The following SLX4IP variants were observed in gnomAD, a reference collection of about 807,000 sequenced individuals.
SLX4IP encodes SLX4 interacting protein.
SLX4IP carries 34 observed loss-of-function variants against 32.9 expected under a neutral mutation model. The observed-to-expected ratio is 1.03, with a 90% CI of 0.79 to 1.38. The LOEUF is 1.38. Among genes scored for constraint, SLX4IP ranks in the 40% most tolerant of loss-of-function variants. The probability of loss-of-function intolerance (pLI) is 0.00; values close to 1 mark genes in which losing one functional copy is unlikely to be tolerated. For synonymous variants in SLX4IP, 172 were observed against 171.7 expected, an observed-to-expected ratio of 1.00 and a Z score of -0.01; for missense variants, 444 against 479.0, an observed-to-expected ratio of 0.93 and a Z score of 0.68.
At chr20:10,594,162 G>A (rs896477582) in intron 4 of SLX4IP, among the ~76,000 whole-genome samples, 2 of 152,180 alleles carry the variant, frequency 1.3e-5, no homozygotes, top group Non-Finnish European at 2.9e-5. Flanking sequence ...GTGGGTTTTG[G>A]GATGTTCATG....
intron 2 of SLX4IP, among the ~76,000 whole-genome samples, chr20:10,462,458 G>A (rs2065345943): frequency 6.6e-6 from 1 of 152,198 alleles, no homozygotes; most frequent in Non-Finnish European, 1.5e-5. Context: ...AGAGAATCAA[G>A]AATCAGAACA....
rs78276048 is a variant in SLX4IP at position 10,620,967 on chromosome 20, C to T, written c.406-347C>T. Among the ~76,000 whole-genome samples the T allele has an allele frequency of 1.4e-3, 209 of 152,296 alleles. 5 individuals are homozygous for T. The South Asian group carries it at 0.037, about 27-fold the overall frequency. ...GCTAGAAGAACAGAGCTCACAGGCA[C>T]GTTGCCCCACACAGTAGGATTCTGG... On this transcript the variant is annotated intron_variant, in intron 6 of 7. Coordinates refer to ENST00000334534, the MANE Select transcript of SLX4IP (RefSeq NM_001009608.3).
chr20:10,591,665 C>T (rs572395140), intron 4 of SLX4IP, among the ~76,000 whole-genome samples: 38 of 152,296 alleles, frequency 2.5e-4, no homozygotes, highest in African/African-American at 8.4e-4. Context: ...TTATTCTTAT[C>T]ATTATGCATG....
intron 1 of SLX4IP, among the ~76,000 whole-genome samples, chr20:10,455,996 CT>C (rs2065282546): frequency 6.6e-6 from 1 of 152,150 alleles, no homozygotes; most frequent in African/African-American, 2.4e-5. Flanking sequence ...CTGAAACTTT[CT>C]GAATGCCAAC....
intron 6 of SLX4IP, chr20:10,613,396 A>G: frequency 1.3e-6 from 2 of 1,518,836 alleles, no homozygotes; most frequent in South Asian, 2.2e-5. Flanking sequence ...TTACAATGGC[A>G]TCAATTTACA....
chr20:10,619,217 CTTTTTTTTTTT>C (rs59741153), intron 6 of SLX4IP, among the ~76,000 whole-genome samples: 1 of 126,652 alleles, frequency 7.9e-6, no homozygotes, highest in Non-Finnish European at 1.7e-5. Context: ...CTTTTTTTTT[CTTTTTTTTTTT>C]TTTTTGAAAA....
At chr20:10,450,225 A>T (rs1371423612) in intron 1 of SLX4IP, among the ~76,000 whole-genome samples, 3 of 152,206 alleles carry the variant, frequency 2.0e-5, no homozygotes, top group Non-Finnish European at 2.9e-5. Flanking sequence ...TTATTGACAA[A>T]ACTGTCCCCT....
At position 10,470,204 on chromosome 20, in the gene SLX4IP, C is replaced by T. The variant is rs971528409; in HGVS notation, c.27+11973C>T. Among the ~76,000 whole-genome samples the T allele has an allele frequency of 3.3e-5, 5 of 152,264 alleles. No homozygotes were observed. In the South Asian group the frequency reaches 8.3e-4, roughly 25 times the overall value. On this transcript the variant is annotated intron_variant, in intron 2 of 7. Coordinates refer to ENST00000334534, the MANE Select transcript of SLX4IP (RefSeq NM_001009608.3). ...AGTTTTATTACCATTACTGCTCATC[C>T]GACTCACCTTTCCTTTTTGTTATTA... is the stretch of plus-strand genomic sequence containing the variant.
chr20:10,477,312 A>G (rs1334330533), intron 2 of SLX4IP, among the ~76,000 whole-genome samples: 4 of 152,002 alleles, frequency 2.6e-5, no homozygotes, highest in African/African-American at 7.3e-5. Flanking sequence ...CGCCTGGCTA[A>G]TTTTTGTATT....
At chr20:10,471,341 C>T (rs117505190) in intron 2 of SLX4IP, among the ~76,000 whole-genome samples, 7,078 of 152,234 alleles carry the variant, frequency 0.046, 243 homozygotes, top group Admixed American at 0.082. Flanking sequence ...ATTGCCCATC[C>T]CTAACCTCAG....
chr20:10,569,175 A>ATTTT (rs555310488), intron 4 of SLX4IP, among the ~76,000 whole-genome samples: 2 of 129,950 alleles, frequency 1.5e-5, no homozygotes, highest in African/African-American at 2.9e-5. Context: ...CCAGATCTAG[A>ATTTT]TTTTTTTTTT....
chr20:10,445,311 C>CTTTTT (rs36058168), intron 1 of SLX4IP, among the ~76,000 whole-genome samples: 17 of 90,162 alleles, frequency 1.9e-4, no homozygotes, highest in East Asian at 5.4e-4. Context: ...TTTTTTCTTT[C>CTTTTT]TTTTTTTTTT....
chr20:10,514,823 G>C (rs998516372), intron 2 of SLX4IP, among the ~76,000 whole-genome samples: 1 of 152,114 alleles, frequency 6.6e-6, no homozygotes, highest in Non-Finnish European at 1.5e-5. Context: ...TTATAGTTTT[G>C]TATTTTTTAG....
intron 2 of SLX4IP, among the ~76,000 whole-genome samples, chr20:10,494,590 T>C (rs2065651739): frequency 6.6e-6 from 1 of 152,134 alleles, no homozygotes; most frequent in Non-Finnish European, 1.5e-5. Flanking sequence ...TGTTTATTTG[T>C]GCTAGACGTT....
Position 10,622,845 on chromosome 20 carries a change from C to T in SLX4IP, c.693C>T (p.Ser231=). The T allele has an allele frequency of 6.2e-7, 1 of 1,614,058 alleles. No individual in the cohort carries two copies. Among genetic ancestry groups the T allele is most frequent in the East Asian group, 2.2e-5 (1 of 44,864 alleles). The stretch of plus-strand genomic sequence containing the variant: ...AGGATTCCATAAAGGCAGCTGAGAG[C>T]CACTGGGGGCTTCCTGTTCAAAAGC... ...QAKDSIKAAE[S]HWGLPVQKLE... Residue 231 remains serine (S), a synonymous_variant, in exon 8 of 8, where the codon AGC becomes AGT. Coordinates refer to ENST00000334534, the MANE Select transcript of SLX4IP (RefSeq NM_001009608.3).
intron 2 of SLX4IP, among the ~76,000 whole-genome samples, chr20:10,508,423 T>C (rs2065777558): frequency 1.3e-5 from 2 of 152,220 alleles, no homozygotes; most frequent in African/African-American, 4.8e-5. Context: ...CCCTTCCAGA[T>C]AACTGAGGCT....
intron 2 of SLX4IP, among the ~76,000 whole-genome samples, chr20:10,473,576 A>G (rs143144942): frequency 7.8e-4 from 117 of 149,650 alleles, no homozygotes; most frequent in Non-Finnish European, 1.1e-3. Flanking sequence ...TTATTCTGCA[A>G]TTCTTCTTAA....
intron 2 of SLX4IP, among the ~76,000 whole-genome samples, chr20:10,518,390 C>CCTTTCTTT (rs1265095977): frequency 5.8e-5 from 7 of 119,834 alleles, no homozygotes; most frequent in South Asian, 3.1e-4. Context: ...TTTCCTTCTT[C>CCTTTCTTT]CTTTCTTTCT....
At chr20:10,530,665 G>T (rs963410745) in intron 2 of SLX4IP, among the ~76,000 whole-genome samples, 17 of 152,134 alleles carry the variant, frequency 1.1e-4, no homozygotes, top group Non-Finnish European at 2.1e-4. Context: ...ATTATTTATG[G>T]CATGAGCATA....
Sources: gnomAD v4.1 joint callset for allele counts (sites outside exome capture counted in the v4.1 genomes callset) on GRCh38, gnomAD v4.1.1 for gene constraint, MANE v1.5 for transcripts, NCBI Gene and HGNC (gene_info 2026-07-23, HGNC 2026-07-21) for gene names.